STPG1: variants seen among roughly 807,000 people sequenced by gnomAD.
The protein encoded by STPG1 is O(6)-methylguanine-induced apoptosis 2.
Under a neutral mutation model 40.1 loss-of-function variants are expected in STPG1, and 33 were observed. That is an observed-to-expected ratio of 0.82 (90% CI 0.62 to 1.10). The LOEUF (loss-of-function observed/expected upper bound fraction) is 1.10. Among genes scored for constraint, STPG1 ranks in the 50% least tolerant of loss-of-function variants. The pLI, the probability that STPG1 is intolerant of heterozygous loss-of-function variation, is 0.00. For synonymous variants in STPG1, 150 were observed against 155.0 expected (o/e 0.97, Z 0.24); for missense variants, 396 against 415.1 (o/e 0.95, Z 0.40).
intron 1 of STPG1, among the ~76,000 whole-genome samples, chr1:24,406,678 C>T (rs1241971968): frequency 6.6e-6 from 1 of 152,072 alleles, no homozygotes; most frequent in Non-Finnish European, 1.5e-5. Flanking sequence ...TCCTACCTCT[C>T]CCAAGAACTT....
chr1:24,406,486 A>G (rs61664352), intron 1 of STPG1, among the ~76,000 whole-genome samples: 8,649 of 152,188 alleles, frequency 0.057, 785 homozygotes, highest in African/African-American at 0.19. Context: ...TAAATTCAAG[A>G]TTCTTTCTAG....
In STPG1 at chr1:24,373,765, C is replaced by G. The variant is rs376330304; in HGVS notation, c.508G>C (p.Ala170Pro). Reference protein sequence around the residue: ...CKQRNNVCTRAGFMSKTQRGS... With the variant: ...CKQRNNVCTRPGFMSKTQRGS... ...CTTTGGGTTTTTGACATAAACCCGG[C>G]TCGAGTACAGACGTTGTTTCTCTGC... The change falls in exon 6 of 9, where the codon GCC (alanine) becomes CCC (proline). Residue 170 changes from alanine (A) to proline (P), a missense_variant. Coordinates refer to ENST00000337248, the MANE Select transcript of STPG1 (RefSeq NM_001199013.2). The G allele has an allele frequency of 6.2e-6, 10 of 1,612,578 alleles. No individual in the cohort carries two copies. The African/African-American group carries it at 1.3e-4, about 22-fold the overall frequency.
At chr1:24,391,471 A>G (rs1642768630) in intron 3 of STPG1, 90 bp downstream of exon 3, 1 of 830,352 alleles carries the variant, frequency 1.2e-6, no homozygotes, top group Non-Finnish European at 1.9e-6. Context: ...CACTGTCCAC[A>G]GAAAGACACA....
At chr1:24,386,928 G>C (rs1642530084) in intron 3 of STPG1, among the ~76,000 whole-genome samples, 1 of 152,218 alleles carries the variant, frequency 6.6e-6, no homozygotes, top group Non-Finnish European at 1.5e-5. Flanking sequence ...CTCCTTTGCT[G>C]CCTCTAAGTG....
rs148518612 is a variant in STPG1 at position 24,393,090 on chromosome 1, T to C, written c.71-1411A>G. On this transcript the variant is annotated intron_variant, in intron 2 of 8. Transcript: ENST00000337248. ...AGGCTTAGAGGGATTAAGTTACTCA[T>C]CCGAATCACCCAGCACTTAAGCGGA... is the stretch of plus-strand genomic sequence containing the variant. 5.9e-5 allele frequency among the ~76,000 whole-genome samples: 9 copies of C among 152,310 alleles called. 1 individual carries two copies. The East Asian group carries it at 1.7e-3, about 29-fold the overall frequency.
rs1400977247 is a variant in STPG1 at position 24,369,674 on chromosome 1, G to A, written c.737C>T (p.Pro246Leu). The A allele has an allele frequency of 2.5e-6, 4 of 1,588,156 alleles. No homozygotes were observed. The highest frequency in any genetic ancestry group is 1.1e-5 in the South Asian group (1 of 88,214). ...CTKVPKKTLF[P>L]KNPILNFSAQ... is the part of the protein sequence containing the mutation. Reference sequence around the variant, plus strand: ...AAAGACCAGAATGATTGGGACTCACGGGAAAAGAGTCTTTTTTGGAACTTT... The same window carrying A: ...AAAGACCAGAATGATTGGGACTCACAGGAAAAGAGTCTTTTTTGGAACTTT... The change falls in exon 7 of 9, where the codon CCG (proline) becomes CTG (leucine). Residue 246 changes from proline (P) to leucine (L), a missense_variant and splice_region_variant. Coordinates refer to ENST00000337248, the MANE Select transcript of STPG1 (RefSeq NM_001199013.2).
intron 2 of STPG1, among the ~76,000 whole-genome samples, chr1:24,395,249 T>A (rs1347471883): frequency 6.6e-6 from 1 of 151,792 alleles, no homozygotes; most frequent in Non-Finnish European, 1.5e-5. Context: ...CTTTTAAAAC[T>A]ATATAAATAT....
rs2148697301 is a variant in STPG1 at position 24,381,941 on chromosome 1, T to G, written c.291+1961A>C. 2.0e-5 allele frequency among the ~76,000 whole-genome samples: 3 copies of G among 152,308 alleles called. No individual in the cohort carries two copies. The South Asian group carries it at 6.2e-4, about 32-fold the overall frequency. ...TCCTAATAGATCGCCATCGACCACTTCAGGCACCCATCCCCAGGTACAGGA... is the reference window on the plus strand; with the variant it reads ...TCCTAATAGATCGCCATCGACCACTGCAGGCACCCATCCCCAGGTACAGGA... On this transcript the variant is annotated intron_variant, in intron 4 of 8. Coordinates refer to ENST00000337248, the MANE Select transcript of STPG1 (RefSeq NM_001199013.2).
rs1213008352 is a variant in STPG1, at chr1:24,378,072, AG to A, written c.462+1580del. 5.1e-3 allele frequency among the ~76,000 whole-genome samples: 770 copies of A among 152,228 alleles called. 6 individuals are homozygous for A. Among genetic ancestry groups the A allele is most frequent in the African/African-American group, 0.017 (717 of 41,528 alleles). Reference sequence around the variant, plus strand: ...ATTATGCCGAGGGAAGACTGCCTGGAGTTGGACTGCCCAGTATAGTAGCCAC... The same window carrying A: ...ATTATGCCGAGGGAAGACTGCCTGGATTGGACTGCCCAGTATAGTAGCCAC... On this transcript the variant is annotated intron_variant, in intron 5 of 8. Coordinates refer to ENST00000337248, the MANE Select transcript of STPG1 (RefSeq NM_001199013.2).
Position 24,369,744 on chromosome 1 carries a change from A to G in STPG1, c.667T>C (p.Ser223Pro). 6.2e-7 allele frequency: 1 copy of G among 1,613,248 alleles called. No homozygotes were observed. The highest frequency in any genetic ancestry group is 8.5e-7 in the Non-Finnish European group (1 of 1,179,300). ...SKTNRGLKLTSTGPGPGYYNP... is the reference protein window; with the variant it reads ...SKTNRGLKLTPTGPGPGYYNP... ...TAATAACCAGGTCCCGGGCCTGTTG[A>G]CGTCAGTTTTAATCCACGGTTGGTT... is the stretch of plus-strand genomic sequence containing the variant. The change falls in exon 7 of 9, where the codon TCA becomes CCA. Residue 223 changes from serine (S) to proline (P), a missense_variant. Physicochemically the swap from Ser to Pro is moderately conservative, Grantham distance 74 (BLOSUM62 -1). Transcript: ENST00000337248.
intron 1 of STPG1, chr1:24,411,955 TC>T (rs1208903775): frequency 7.4e-6 from 1 of 135,066 alleles, no homozygotes; most frequent in East Asian, 2.2e-4. Context: ...ATTCTCTCTC[TC>T]TTTTTTTCTT....
In STPG1 at chr1:24,358,270, G is replaced by A. The variant is rs566326017; in HGVS notation, c.*273C>T. 84 of 643,954 alleles carry A rather than the reference G, an allele frequency of 1.3e-4. No individual in the cohort carries two copies. The African/African-American group carries it at 1.4e-3, about 10-fold the overall frequency. 39.9% of individuals were successfully genotyped at this position (643,954 alleles called of 1,614,324 possible). On this transcript the variant is annotated 3_prime_UTR_variant, in exon 9 of 9. Coordinates refer to ENST00000337248, the MANE Select transcript of STPG1 (RefSeq NM_001199013.2). ...AAGGCAGCCTGGATGGGTGCGTGGG[G>A]AAGCAGCCAGGGGGCTCTGTCCACT...
chr1:24,369,297 T>C (rs1472020576), intron 7 of STPG1: 4 of 468,352 alleles, frequency 8.5e-6, no homozygotes, highest in African/African-American at 2.0e-5. Flanking sequence ...GAATCCAGCA[T>C]CACAGGGAAT....
At chr1:24,412,601 G>A (rs756215250) in intron 1 of STPG1, among the ~76,000 whole-genome samples, 26 of 152,130 alleles carry the variant, frequency 1.7e-4, no homozygotes, top group Non-Finnish European at 2.9e-4. Context: ...GCCCACACCC[G>A]TAATCCCAGC....
chr1:24,365,411 GA>G (rs1303803307), intron 7 of STPG1, among the ~76,000 whole-genome samples: 2 of 152,206 alleles, frequency 1.3e-5, no homozygotes, highest in African/African-American at 4.8e-5. Flanking sequence ...CACCCTAAGT[GA>G]TTGAGTCATC....
chr1:24,400,394 T>C (rs555605393), intron 2 of STPG1, among the ~76,000 whole-genome samples: 1 of 152,366 alleles, frequency 6.6e-6, no homozygotes, highest in South Asian at 2.1e-4. Context: ...ACAAGGGCTT[T>C]TGAGATGCTG....
intron 1 of STPG1, among the ~76,000 whole-genome samples, chr1:24,405,554 GTTC>G (rs1312945901): frequency 2.0e-5 from 3 of 152,234 alleles, no homozygotes; most frequent in East Asian, 3.9e-4. Context: ...TTGATAGTCT[GTTC>G]AAGTCTTTTA....
Position 24,391,754 on chromosome 1 carries a change from T to C in STPG1, c.71-75A>G. 3 of 1,212,354 alleles carry C rather than the reference T, an allele frequency of 2.5e-6. No individual in the cohort carries two copies. The South Asian group carries it at 5.0e-5, about 20-fold the overall frequency. The allele number at this position is 1,212,354 out of a possible 1,614,324, so 75.1% of individuals were successfully genotyped here. On this transcript the variant is annotated intron_variant, in intron 2 of 8. Coordinates refer to ENST00000337248, the MANE Select transcript of STPG1 (RefSeq NM_001199013.2). ...GACAAATGTGGAAAACACAAAGGTG[T>C]ATATTAAAGTTTTATTTTAAATGGT...
rs1397161758 is a variant in STPG1, at chr1:24,358,252, C to A, written c.*291G>T. The stretch of plus-strand genomic sequence containing the variant: ...GGCAGGGAGTCGTGCCGGAAGGCAG[C>A]CTGGATGGGTGCGTGGGGAAGCAGC... On this transcript the variant is annotated 3_prime_UTR_variant, in exon 9 of 9. Coordinates refer to ENST00000337248, the MANE Select transcript of STPG1 (RefSeq NM_001199013.2). The A allele has an allele frequency of 3.1e-5, 19 of 622,284 alleles. No individual in the cohort carries two copies. The highest frequency in any genetic ancestry group is 5.4e-5 in the African/African-American group (3 of 55,498). 38.5% of individuals were successfully genotyped at this position (622,284 alleles called of 1,614,324 possible).
Sources: allele counts gnomAD v4.1 joint callset (sites outside exome capture counted in the v4.1 genomes callset), GRCh38; gene constraint gnomAD v4.1.1; transcripts MANE v1.5; gene names NCBI Gene and HGNC (gene_info 2026-07-23, HGNC 2026-07-21).